KDM4B: variants seen among roughly 807,000 people sequenced by gnomAD.
The protein encoded by KDM4B is lysine demethylase 4B, also known as lysine-specific demethylase 4B.
KDM4B carries 32 observed loss-of-function variants against 125.2 expected under a neutral mutation model. That is an observed-to-expected ratio of 0.26 (90% CI 0.19 to 0.34). The LOEUF is 0.34. KDM4B is among the 10% of genes least tolerant of loss of function. The pLI, the probability that KDM4B is intolerant of heterozygous loss-of-function variation, is 1.00. For missense variants in KDM4B, 1,190 were observed against 1,577.7 expected (o/e 0.75, Z 4.16); for synonymous variants, 721 against 677.9 (o/e 1.06, Z -0.99).
In KDM4B at chr19:5,002,993, G is replaced by A. The variant is rs367932537; in HGVS notation, c.-108-13264G>A. On this transcript the variant is annotated intron_variant, in intron 1 of 22. Transcript: ENST00000159111. ...TGAGTCTTTACTTTCTTTGCCTCTTGATTAGAGCTGTGGTTGTAAAGCCCT... is the reference window on the plus strand; with the variant it reads ...TGAGTCTTTACTTTCTTTGCCTCTTAATTAGAGCTGTGGTTGTAAAGCCCT... Among the ~76,000 whole-genome samples, 4 of 152,180 alleles carry A rather than the reference G, an allele frequency of 2.6e-5. No individual in the cohort carries two copies. In the East Asian group the frequency reaches 5.8e-4, roughly 22 times the overall value.
In KDM4B at chr19:5,082,264, C is replaced by A. The variant is rs1215775642; in HGVS notation, c.781-103C>A. The A allele has an allele frequency of 1.4e-6, 2 of 1,423,142 alleles. No individual in the cohort carries two copies. Among genetic ancestry groups the A allele is most frequent in the East Asian group, 2.4e-5 (1 of 41,738 alleles). 88.2% of individuals were successfully genotyped at this position (1,423,142 alleles called of 1,614,324 possible). A position where few individuals can be genotyped will look rare whatever the true frequency, so the allele number is the denominator to read the frequency against. ...CTTTGACTTTGTGAAACCCCCTTGG[C>A]TCATAAGCCAGGCTCCCTGGCACTT... On this transcript the variant is annotated intron_variant, in intron 8 of 22. Transcript: ENST00000159111. This position sits in a 1 kb window ranked among gnomAD's most constrained non-coding sequence, Gnocchi z 5.4.
At chr19:5,102,572 C>G (rs894284979) in intron 9 of KDM4B, among the ~76,000 whole-genome samples, 1 of 151,790 alleles carries the variant, frequency 6.6e-6, no homozygotes, top group Non-Finnish European at 1.5e-5. Flanking sequence ...GGAATGGGGC[C>G]GGGGCCGGGG....
chr19:4,974,778 AAAACAAAC>A (rs201538832), intron 1 of KDM4B, among the ~76,000 whole-genome samples: 1 of 151,596 alleles, frequency 6.6e-6, no homozygotes, highest in Non-Finnish European at 1.5e-5. Flanking sequence ...AGTAAAAACC[AAAACAAAC>A]AAACAAACAA....
intron 4 of KDM4B, among the ~76,000 whole-genome samples, chr19:5,040,249 C>T (rs146736233): frequency 2.7e-4 from 41 of 152,170 alleles, no homozygotes; most frequent in African/African-American, 8.7e-4. Flanking sequence ...CAGTGCATGT[C>T]GGGCGGTGTC....
At chr19:5,134,239 A>G (rs1366116129) in intron 14 of KDM4B, among the ~76,000 whole-genome samples, 178 bp downstream of exon 14, 1 of 152,104 alleles carries the variant, frequency 6.6e-6, no homozygotes, top group Non-Finnish European at 1.5e-5. Flanking sequence ...TCTGGGTTTT[A>G]TTGGAATGAA....
In KDM4B at chr19:5,151,492, G is replaced by A. The variant is rs768212273; in HGVS notation, c.3272G>A (p.Arg1091Gln). Residue 1091 changes from arginine (R) to glutamine (Q), a missense_variant, in exon 23 of 23, where the codon CGG becomes CAG. This residue lies in a region of KDM4B where 109 missense variants were observed against 93.8 expected (regional missense o/e 1.16). Coordinates refer to ENST00000159111, the MANE Select transcript of KDM4B (RefSeq NM_015015.3). ...GAGAGCCTCCTGCAGGTGCAGGGCC[G>A]GCCCGGAGCCCCCTTCTAGGACAGC... ...FVESLLQVQG[R>Q]PGAPF 47 of 1,452,836 alleles carry A rather than the reference G, an allele frequency of 3.2e-5. No individual in the cohort carries two copies. Among genetic ancestry groups the A allele is most frequent in the Admixed American group, 1.3e-4 (5 of 39,718 alleles). 90.0% of individuals were successfully genotyped at this position (1,452,836 alleles called of 1,614,324 possible).
chr19:5,146,395 G>A (rs1027541306), intron 21 of KDM4B, among the ~76,000 whole-genome samples: 95 of 152,246 alleles, frequency 6.2e-4, no homozygotes, highest in African/African-American at 2.1e-3. Context: ...GGGTGGTTTC[G>A]GGGACAAGCC....
chr19:5,133,346 C>A (rs1237942530), intron 13 of KDM4B, among the ~76,000 whole-genome samples: 1 of 152,224 alleles, frequency 6.6e-6, no homozygotes, highest in African/African-American at 2.4e-5. Context: ...CACGGCCCCT[C>A]CTGACTCCCT....
chr19:5,046,109 C>T (rs1388755855), intron 5 of KDM4B, among the ~76,000 whole-genome samples: 2 of 152,226 alleles, frequency 1.3e-5, no homozygotes, highest in Non-Finnish European at 1.5e-5. Context: ...TCTGGGTTGG[C>T]TGGCCTGCAC....
intron 9 of KDM4B, among the ~76,000 whole-genome samples, chr19:5,084,502 TA>T (rs2038414912): frequency 8.4e-6 from 1 of 118,354 alleles, no homozygotes; most frequent in East Asian, 2.3e-4. Flanking sequence ...ATAATTTATA[TA>T]TTATATATAA....
chr19:4,998,970 C>T (rs1256771176), intron 1 of KDM4B, among the ~76,000 whole-genome samples: 1 of 152,154 alleles, frequency 6.6e-6, no homozygotes, highest in Non-Finnish European at 1.5e-5. Flanking sequence ...TAACCTTGAT[C>T]CTTTGGTTAA....
Position 4,982,659 on chromosome 19 carries a change from C to T in KDM4B, c.-109+13429C>T, listed in dbSNP as rs953204712. 1.4e-4 allele frequency among the ~76,000 whole-genome samples: 21 copies of T among 151,906 alleles called. No individual in the cohort carries two copies. The East Asian group carries it at 4.1e-3, about 29-fold the overall frequency. On this transcript the variant is annotated intron_variant, in intron 1 of 22. Coordinates refer to ENST00000159111, the MANE Select transcript of KDM4B (RefSeq NM_015015.3). ...GCGGAGTCTCACTGTGTCAACCAGG[C>T]TGGAGTGCAGTGGCGAGATCTCGGC...
intron 11 of KDM4B, among the ~76,000 whole-genome samples, chr19:5,120,895 C>T (rs566144808): frequency 6.0e-4 from 92 of 152,302 alleles, no homozygotes; most frequent in Middle Eastern, 3.4e-3. Flanking sequence ...GGGCCACATT[C>T]GCCGGAGGGT....
At chr19:5,063,638 TGAGCCCA>T (rs1568269219) in intron 6 of KDM4B, among the ~76,000 whole-genome samples, 1 of 152,114 alleles carries the variant, frequency 6.6e-6, no homozygotes, top group Non-Finnish European at 1.5e-5. Flanking sequence ...TCTGTGGCAC[TGAGCCCA>T]GCAACGCAGG....
intron 2 of KDM4B, among the ~76,000 whole-genome samples, chr19:5,025,304 G>T (rs2036244795): frequency 6.6e-6 from 1 of 152,330 alleles, no homozygotes; most frequent in Middle Eastern, 3.4e-3. Context: ...CTTCCTCTGC[G>T]GTGCCCCAGC....
intron 3 of KDM4B, among the ~76,000 whole-genome samples, chr19:5,037,872 TA>T (rs1440843781): frequency 3.9e-5 from 6 of 152,266 alleles, no homozygotes; most frequent in Admixed American, 6.5e-5. Context: ...CTGCTTTTGC[TA>T]AAGAAACCTG....
chr19:5,041,807 G>A (rs761258237), intron 5 of KDM4B, among the ~76,000 whole-genome samples: 11 of 152,266 alleles, frequency 7.2e-5, no homozygotes, highest in Non-Finnish European at 1.0e-4. Flanking sequence ...CCCGCTGGAC[G>A]CCAGAAGTGG....
chr19:5,004,690 G>A (rs964581336), intron 1 of KDM4B, among the ~76,000 whole-genome samples: 2 of 152,108 alleles, frequency 1.3e-5, no homozygotes, highest in East Asian at 1.9e-4. Context: ...CCGTACCCCC[G>A]TGCGGTGAGC....
chr19:5,061,924 T>G (rs2037613374), intron 6 of KDM4B, among the ~76,000 whole-genome samples: 1 of 151,984 alleles, frequency 6.6e-6, no homozygotes, highest in South Asian at 2.1e-4. Context: ...GGAGGAGTTC[T>G]GTCATTGCCT....
Sources: gnomAD v4.1 joint callset for allele counts (sites outside exome capture counted in the v4.1 genomes callset) on GRCh38, gnomAD v4.1.1 for gene constraint, gnomAD v4.1.1 regional missense constraint, Gnocchi (gnomAD v3.1) non-coding constraint, MANE v1.5 for transcripts, NCBI Gene and HGNC (gene_info 2026-07-23, HGNC 2026-07-21) for gene names.